RAI14: variants seen among roughly 807,000 people sequenced by gnomAD.
RAI14 encodes retinoic acid induced 14.
Under a neutral mutation model 115.4 loss-of-function variants are expected in RAI14, and 45 were observed. The observed-to-expected ratio is 0.39, with a 90% CI of 0.31 to 0.50. The LOEUF (loss-of-function observed/expected upper bound fraction) is 0.50, where lower values mean the gene tolerates loss of function less well. RAI14 is among the 20% of genes least tolerant of loss of function. RAI14 has a pLI of 0.85. For missense variants in RAI14, 939 were observed against 1,131.2 expected (o/e 0.83, Z 2.44); for synonymous variants, 371 against 415.4 (o/e 0.89, Z 1.30).
chr5:34,793,687 G>A (rs1753186919), intron 3 of RAI14, among the ~76,000 whole-genome samples: 1 of 152,150 alleles, frequency 6.6e-6, no homozygotes, highest in African/African-American at 2.4e-5. Context: ...ATGCACATGG[G>A]CAGTAGACAC....
At chr5:34,801,483 C>G (rs1228166930) in intron 4 of RAI14, among the ~76,000 whole-genome samples, 1 of 124,262 alleles carries the variant, frequency 8.0e-6, no homozygotes, top group Admixed American at 9.3e-5. Context: ...GTGGCTCATG[C>G]CTGTAATCCA....
chr5:34,829,614 G>A, intron 16 of RAI14, 118 bp from the exon 17 acceptor site: 1 of 692,382 alleles, frequency 1.4e-6, no homozygotes, highest in East Asian at 2.8e-5. Context: ...TCCAGTGCTA[G>A]CATAAAGTGG....
At chr5:34,756,274 T>G (rs1289140553) in intron 2 of RAI14, among the ~76,000 whole-genome samples, 1 of 152,150 alleles carries the variant, frequency 6.6e-6, no homozygotes, top group African/African-American at 2.4e-5. Flanking sequence ...CCTGTAAAAT[T>G]TCTTCTTTTT....
rs149084858 is a variant in RAI14, at chr5:34,692,512, C to T, written c.36+5557C>T. Among the ~76,000 whole-genome samples, 8 of 151,932 alleles carry T rather than the reference C, an allele frequency of 5.3e-5. No homozygotes were observed. The South Asian group carries it at 8.3e-4, about 16-fold the overall frequency. On this transcript the variant is annotated intron_variant, in intron 2 of 17. Transcript: ENST00000265109. ...TCACGCCACTGCACTCCAGCCTGGG[C>T]GATAGAGCGAGACTCCATCTCAAAA... is the stretch of plus-strand genomic sequence containing the variant.
At chr5:34,661,388 T>C (rs1742677867) in intron 1 of RAI14, among the ~76,000 whole-genome samples, 2 of 152,164 alleles carry the variant, frequency 1.3e-5, no homozygotes, top group Admixed American at 1.3e-4. Context: ...TGTTGACCCC[T>C]AGCAGGTAAA....
At position 34,746,272 on chromosome 5, in the gene RAI14, AT is replaced by A. The variant is rs1379652543; in HGVS notation, c.37-11190del. ...AGGTGCCTGCCACCATGCCCGGCTA[AT>A]TTTTTGTATTTTTAGTAGAGACGGG... On this transcript the variant is annotated intron_variant, in intron 2 of 17. Coordinates refer to ENST00000265109, the MANE Select transcript of RAI14 (RefSeq NM_015577.3). 9.6e-4 allele frequency among the ~76,000 whole-genome samples: 145 copies of A among 150,492 alleles called. 1 individual carries two copies. Among genetic ancestry groups the A allele is most frequent in the African/African-American group, 3.3e-3 (133 of 40,872 alleles).
Position 34,752,735 on chromosome 5 carries a change from G to GTATATA in RAI14, c.37-4732_37-4731insATATAT, listed in dbSNP as rs1173704248. Among the ~76,000 whole-genome samples, 21 of 90,990 alleles carry GTATATA rather than the reference G, an allele frequency of 2.3e-4. 1 individual carries two copies. Among genetic ancestry groups the GTATATA allele is most frequent in the East Asian group, 1.2e-3 (4 of 3,382 alleles). The allele number at this position is 90,990 out of a possible 152,430, so 59.7% of individuals were successfully genotyped here. On this transcript the variant is annotated intron_variant, in intron 2 of 17. Coordinates refer to ENST00000265109, the MANE Select transcript of RAI14 (RefSeq NM_015577.3). ...TGTGTGTGTGTGTGTGTGTGTGTGT[G>GTATATA]TGTGTGTGTGTGTGTATATATATAT...
chr5:34,669,076 T>C (rs1432470063), intron 1 of RAI14, among the ~76,000 whole-genome samples: 3 of 152,166 alleles, frequency 2.0e-5, no homozygotes, highest in Non-Finnish European at 2.9e-5. Flanking sequence ...AGGATGGTCT[T>C]GATCTCCTGA....
Position 34,782,479 on chromosome 5 carries a change from T to C in RAI14, c.168-13460T>C, listed in dbSNP as rs535128756. Reference sequence around the variant, plus strand: ...AGCTCCTAATGTGTCTGCAGCTCCTTCAAGCACTCCAGTTCCTGGCATTAA... The same window carrying C: ...AGCTCCTAATGTGTCTGCAGCTCCTCCAAGCACTCCAGTTCCTGGCATTAA... On this transcript the variant is annotated intron_variant, in intron 3 of 17. Transcript: ENST00000265109. 1.6e-4 allele frequency among the ~76,000 whole-genome samples: 25 copies of C among 152,346 alleles called. No homozygotes were observed. The South Asian group carries it at 5.0e-3, about 30-fold the overall frequency.
At chr5:34,759,861 T>C (rs1561323017) in intron 3 of RAI14, among the ~76,000 whole-genome samples, 2 of 152,164 alleles carry the variant, frequency 1.3e-5, no homozygotes. Context: ...GAATGGCACC[T>C]TCAGCTGTAG....
In RAI14 at chr5:34,734,786, G is replaced by A. The variant is rs1220259962; in HGVS notation, c.37-22682G>A. On this transcript the variant is annotated intron_variant, in intron 2 of 17. Transcript: ENST00000265109. ...AAGCAATTCTCCTGCCTCAGCTCCCGAGTAGCTGGGATTACAGGCACATAC... is the reference window on the plus strand; with the variant it reads ...AAGCAATTCTCCTGCCTCAGCTCCCAAGTAGCTGGGATTACAGGCACATAC... 8.6e-5 allele frequency among the ~76,000 whole-genome samples: 13 copies of A among 151,882 alleles called. 1 individual carries two copies. The East Asian group carries it at 2.1e-3, about 25-fold the overall frequency.
At chr5:34,696,180 C>T (rs1739206231) in intron 2 of RAI14, among the ~76,000 whole-genome samples, 1 of 151,756 alleles carries the variant, frequency 6.6e-6, no homozygotes, top group Non-Finnish European at 1.5e-5. Flanking sequence ...GCTCTGTCAC[C>T]CAGGCTGGAG....
At chr5:34,775,097 T>C (rs1480508638) in intron 3 of RAI14, among the ~76,000 whole-genome samples, 4 of 152,250 alleles carry the variant, frequency 2.6e-5, no homozygotes. Context: ...CCCTATCTCT[T>C]GCCATATACA....
At chr5:34,669,901 A>G (rs1743500382) in intron 1 of RAI14, among the ~76,000 whole-genome samples, 2 of 152,226 alleles carry the variant, frequency 1.3e-5, no homozygotes, top group African/African-American at 4.8e-5. Context: ...ACTTGTCTAT[A>G]ATTCTCTTTA....
chr5:34,799,887 C>T (rs1754057649), intron 4 of RAI14, among the ~76,000 whole-genome samples: 1 of 152,080 alleles, frequency 6.6e-6, no homozygotes, highest in African/African-American at 2.4e-5. Flanking sequence ...CGGGGTTTCA[C>T]CGTGTTAGCC....
chr5:34,786,399 C>T (rs868342616), intron 3 of RAI14, among the ~76,000 whole-genome samples: 7 of 152,154 alleles, frequency 4.6e-5, no homozygotes, highest in Admixed American at 2.0e-4. Context: ...AGGGTCAGGC[C>T]GTTCTTTTTC....
chr5:34,776,946 A>G (rs1352968682), intron 3 of RAI14, among the ~76,000 whole-genome samples: 1 of 152,008 alleles, frequency 6.6e-6, no homozygotes. Flanking sequence ...AGGTGGGAGG[A>G]TCACTTGAGG....
intron 5 of RAI14, among the ~76,000 whole-genome samples, chr5:34,806,964 T>C (rs1754978703): frequency 1.3e-5 from 2 of 152,310 alleles, no homozygotes; most frequent in South Asian, 4.1e-4. Context: ...CGTTTCTTCA[T>C]CTGAAAGTGG....
chr5:34,805,155 C>T (rs527256233), intron 5 of RAI14, among the ~76,000 whole-genome samples: 3 of 152,304 alleles, frequency 2.0e-5, no homozygotes, highest in East Asian at 3.9e-4. Flanking sequence ...CTTCTTACCA[C>T]GAAAGGGCAG....
Sources: gnomAD v4.1 joint callset for allele counts (sites outside exome capture counted in the v4.1 genomes callset) on GRCh38, gnomAD v4.1.1 for gene constraint, MANE v1.5 for transcripts, NCBI Gene and HGNC (gene_info 2026-07-23, HGNC 2026-07-21) for gene names.